The following KLF12 variants were observed in gnomAD, a reference collection of about 807,000 sequenced individuals.
KLF12 encodes Krueppel-like factor 12.
A neutral mutation model predicts 37.8 loss-of-function variants in KLF12; 9 were observed. That is an observed-to-expected ratio of 0.24 (90% CI 0.14 to 0.42). The LOEUF (loss-of-function observed/expected upper bound fraction) is 0.42, where lower values mean the gene tolerates loss of function less well. KLF12 is among the 10% of genes least tolerant of loss of function. The pLI, the probability that KLF12 is intolerant of heterozygous loss-of-function variation, is 1.00. For synonymous variants in KLF12, 208 were observed against 202.1 expected, an observed-to-expected ratio of 1.03 and a Z score of -0.25; for missense variants, 411 against 516.0, an observed-to-expected ratio of 0.80 and a Z score of 1.97.
At chr13:73,748,401 G>GT (rs546719786) in intron 6 of KLF12, among the ~76,000 whole-genome samples, 102 of 152,272 alleles carry the variant, frequency 6.7e-4, no homozygotes, top group African/African-American at 2.3e-3. Flanking sequence ...CAATGCAATG[G>GT]TATCTGGAGA....
the KLF12 span, among the ~76,000 whole-genome samples, chr13:74,195,704 T>C: frequency 6.6e-6 from 1 of 152,266 alleles, no homozygotes; most frequent in Non-Finnish European, 1.5e-5. Context: ...GTTCAAGTGA[T>C]TCTCCTGCCT....
At chr13:74,142,200 C>A in the KLF12 span, among the ~76,000 whole-genome samples, 32 of 152,204 alleles carry the variant, frequency 2.1e-4, 1 homozygote, top group Non-Finnish European at 8.8e-5. Flanking sequence ...CACTGAGTTA[C>A]ACAGTCTGCT....
the KLF12 span, among the ~76,000 whole-genome samples, chr13:74,280,523 CTG>C: frequency 4.2e-4 from 64 of 152,272 alleles, no homozygotes; most frequent in African/African-American, 1.3e-3. Context: ...GTGGTGAAAA[CTG>C]TGCAACTTTG....
intron 5 of KLF12, among the ~76,000 whole-genome samples, chr13:73,797,931 G>C (rs1293426165): frequency 2.0e-5 from 3 of 152,044 alleles, no homozygotes; most frequent in Admixed American, 1.3e-4. Flanking sequence ...TCTTCTTCCT[G>C]ATTGTTTTTT....
chr13:74,213,180 A>C, the KLF12 span, among the ~76,000 whole-genome samples: 2 of 152,176 alleles, frequency 1.3e-5, no homozygotes, highest in Admixed American at 6.5e-5. Flanking sequence ...ACACACATAA[A>C]TGGGAACGTA....
At chr13:73,936,944 C>A (rs1889960863) in intron 3 of KLF12, among the ~76,000 whole-genome samples, 1 of 152,158 alleles carries the variant, frequency 6.6e-6, no homozygotes, top group Non-Finnish European at 1.5e-5. Context: ...ATAATCCCAA[C>A]CCTTTGGGAG....
At chr13:73,849,466 T>C (rs149797317) in intron 3 of KLF12, among the ~76,000 whole-genome samples, 1 of 148,930 alleles carries the variant, frequency 6.7e-6, no homozygotes, top group African/African-American at 2.5e-5. Flanking sequence ...GCACTACAAA[T>C]GGCCACAAGG....
chr13:74,261,651 T>C, the KLF12 span, among the ~76,000 whole-genome samples: 1 of 152,228 alleles, frequency 6.6e-6, no homozygotes, highest in Non-Finnish European at 1.5e-5. Context: ...TTAGTGTCTT[T>C]TGACATTTTC....
At chr13:74,178,805 T>A in the KLF12 span, among the ~76,000 whole-genome samples, 2 of 152,156 alleles carry the variant, frequency 1.3e-5, no homozygotes, top group African/African-American at 4.8e-5. Context: ...CATTTGACCC[T>A]CCCCAGCCTC....
chr13:74,104,538 T>TC (rs1436293633), intron 1 of KLF12, among the ~76,000 whole-genome samples: 1 of 152,204 alleles, frequency 6.6e-6, no homozygotes, highest in Non-Finnish European at 1.5e-5. Context: ...CCCTCACATT[T>TC]CTCTCAGCTT....
chr13:73,847,635 T>C (rs1417032166), intron 3 of KLF12, among the ~76,000 whole-genome samples: 1 of 152,160 alleles, frequency 6.6e-6, no homozygotes, highest in Admixed American at 6.5e-5. Flanking sequence ...AATGGGTTGA[T>C]GTTTTAATGC....
intron 2 of KLF12, among the ~76,000 whole-genome samples, chr13:73,950,377 T>G (rs1890599487): frequency 2.0e-5 from 3 of 152,214 alleles, no homozygotes; most frequent in African/African-American, 7.2e-5. Flanking sequence ...GATGCATGCC[T>G]ACTTTCCTTT....
intron 3 of KLF12, among the ~76,000 whole-genome samples, chr13:73,871,733 T>C (rs1164397129): frequency 6.6e-6 from 1 of 152,224 alleles, no homozygotes; most frequent in African/African-American, 2.4e-5. Context: ...ACATTCCCTG[T>C]CTTCCATGAC....
At chr13:73,894,820 C>T (rs192344672) in intron 3 of KLF12, among the ~76,000 whole-genome samples, 188 of 152,128 alleles carry the variant, frequency 1.2e-3, no homozygotes, top group Non-Finnish European at 1.4e-3. Flanking sequence ...ATACCCAATC[C>T]GCTTTTAAAT....
At chr13:73,857,890 C>T (rs919913936) in intron 3 of KLF12, among the ~76,000 whole-genome samples, 5 of 152,054 alleles carry the variant, frequency 3.3e-5, no homozygotes, top group African/African-American at 1.2e-4. Context: ...AAACAATATT[C>T]AATGGCAGGG....
intron 2 of KLF12, among the ~76,000 whole-genome samples, chr13:73,973,158 C>T (rs1203750148): frequency 2.0e-5 from 3 of 152,298 alleles, no homozygotes; most frequent in East Asian, 3.9e-4. Context: ...TTATTTAACA[C>T]TGCAGATGCA....
chr13:74,068,723 A>G (rs1316703265), intron 1 of KLF12, among the ~76,000 whole-genome samples: 1 of 151,618 alleles, frequency 6.6e-6, no homozygotes, highest in Admixed American at 6.6e-5. Flanking sequence ...CACTCAGCTA[A>G]TTTTCGTATT....
chr13:73,850,883 T>A (rs1277381321), intron 3 of KLF12, among the ~76,000 whole-genome samples: 1 of 152,240 alleles, frequency 6.6e-6, no homozygotes, highest in East Asian at 1.9e-4. Flanking sequence ...ATTACATAGC[T>A]CATGGCTTAA....
At chr13:74,165,230 C>A in the KLF12 span, among the ~76,000 whole-genome samples, 1 of 151,646 alleles carries the variant, frequency 6.6e-6, no homozygotes, top group African/African-American at 2.4e-5. Flanking sequence ...AAAATGGAAT[C>A]ATCAAGGAAC....
Sources: allele counts gnomAD v4.1 joint callset (sites outside exome capture counted in the v4.1 genomes callset), GRCh38; gene constraint gnomAD v4.1.1; transcripts MANE v1.5; gene names NCBI Gene and HGNC (gene_info 2026-07-23, HGNC 2026-07-21).